TFDP2: variants seen among roughly 807,000 people sequenced by gnomAD.
TFDP2 encodes transcription factor Dp-2 (E2F dimerization partner 2).
A neutral mutation model predicts 59.3 loss-of-function variants in TFDP2; 17 were observed. That is an observed-to-expected ratio of 0.29 (90% confidence interval 0.20 to 0.43). The LOEUF (loss-of-function observed/expected upper bound fraction) is 0.43. Ranked by LOEUF, TFDP2 falls within the 20% of genes least tolerant of loss-of-function variation. The probability of loss-of-function intolerance (pLI) is 1.00; values close to 1 mark genes in which losing one functional copy is unlikely to be tolerated. For synonymous variants in TFDP2, 180 were observed against 194.7 expected (o/e 0.92, Z 0.63); for missense variants, 391 against 528.8 (o/e 0.74, Z 2.56).
At chr3:141,979,349 A>G (rs1941182526) in intron 6 of TFDP2, among the ~76,000 whole-genome samples, 2 of 152,350 alleles carry the variant, frequency 1.3e-5, no homozygotes, top group African/African-American at 4.8e-5. Flanking sequence ...TTCTGTATTT[A>G]CTAAACTATA....
chr3:142,000,210 C>T (rs1304292677), intron 4 of TFDP2: 2 of 697,096 alleles, frequency 2.9e-6, no homozygotes, highest in East Asian at 2.7e-5. Context: ...GCAAGGAGTA[C>T]AAAACTGGGT....
intron 3 of TFDP2, among the ~76,000 whole-genome samples, chr3:142,021,614 G>A (rs146131076): frequency 2.4e-4 from 36 of 152,240 alleles, no homozygotes; most frequent in African/African-American, 8.2e-4. Context: ...TTCTAAAAAC[G>A]ATTAGCTAGC....
intron 8 of TFDP2, among the ~76,000 whole-genome samples, chr3:141,973,825 G>A (rs1286525223): frequency 6.6e-6 from 1 of 151,308 alleles, no homozygotes; most frequent in African/African-American, 2.4e-5. Flanking sequence ...AAATCAAATT[G>A]TTATTCAACT....
chr3:142,144,072 T>TA (rs2063062496), intron 1 of TFDP2, among the ~76,000 whole-genome samples: 1 of 129,442 alleles, frequency 7.7e-6, no homozygotes, highest in Non-Finnish European at 1.9e-5. Context: ...TATTTGGCCA[T>TA]AAAAAAGAAT....
intron 8 of TFDP2, among the ~76,000 whole-genome samples, chr3:141,972,482 A>G (rs1423756648): frequency 2.0e-5 from 3 of 152,082 alleles, no homozygotes; most frequent in Non-Finnish European, 2.9e-5. Context: ...TAACACTTAG[A>G]TATCTATCCT....
At chr3:142,114,160 G>A (rs1359143993) in intron 1 of TFDP2, among the ~76,000 whole-genome samples, 2 of 148,702 alleles carry the variant, frequency 1.3e-5, no homozygotes, top group Non-Finnish European at 3.0e-5. Context: ...GCGAGAATCC[G>A]TCTCAAAAAA....
intron 1 of TFDP2, among the ~76,000 whole-genome samples, chr3:142,116,869 T>C (rs897369670): frequency 1.3e-5 from 2 of 152,212 alleles, no homozygotes; most frequent in Non-Finnish European, 2.9e-5. Context: ...AAAGTAATTT[T>C]ACTGTAAGTT....
chr3:142,032,912 T>A (rs1946504582), intron 3 of TFDP2, among the ~76,000 whole-genome samples: 2 of 152,128 alleles, frequency 1.3e-5, no homozygotes, highest in Non-Finnish European at 2.9e-5. Flanking sequence ...TTAAATAAAA[T>A]CAGCCAGGCG....
intron 3 of TFDP2, among the ~76,000 whole-genome samples, chr3:142,069,242 ATCAT>A (rs1465051684): frequency 6.6e-6 from 1 of 152,138 alleles, no homozygotes; most frequent in African/African-American, 2.4e-5. Context: ...TGTCTTCTAG[ATCAT>A]TCTATATTTG....
Position 142,120,306 on chromosome 3 carries a change from G to A in TFDP2, c.-92-18465C>T, listed in dbSNP as rs937509871. Among the ~76,000 whole-genome samples the A allele has an allele frequency of 6.6e-5, 10 of 152,112 alleles. No individual in the cohort carries two copies. In the East Asian group the frequency reaches 1.7e-3, roughly 26 times the overall value. ...GAACCCGAGAGGTGGAGCTTGCAGT[G>A]AGCCAAGATCGCGCCACTGCACTCC... On this transcript the variant is annotated intron_variant, in intron 1 of 12. Coordinates refer to ENST00000489671, the MANE Select transcript of TFDP2 (RefSeq NM_001178139.2).
At position 141,945,381 on chromosome 3, in the gene TFDP2, G is replaced by C. The variant is rs3762726; in HGVS notation, c.*7132C>G. On this transcript the variant is annotated 3_prime_UTR_variant, in exon 13 of 13. Coordinates refer to ENST00000489671, the MANE Select transcript of TFDP2 (RefSeq NM_001178139.2). ...CGACCTCAGGTGATCCGCCCGCCTC[G>C]GCCTCCCAAAGTGCTGGGATCACAG... 6.6e-6 allele frequency: 1 copy of C among 152,290 alleles called. No homozygotes were observed. Among genetic ancestry groups the C allele is most frequent in the Non-Finnish European group, 1.5e-5 (1 of 68,150 alleles). 9.4% of individuals were successfully genotyped at this position (152,290 alleles called of 1,614,324 possible). A position where few individuals can be genotyped will look rare whatever the true frequency, so the allele number is the denominator to read the frequency against.
chr3:141,970,390 A>G (rs180678066), intron 8 of TFDP2, among the ~76,000 whole-genome samples: 21 of 152,360 alleles, frequency 1.4e-4, no homozygotes, highest in Admixed American at 9.8e-4. Context: ...TGTTAGCAGT[A>G]CTTGTTGCAA....
rs754343809 is a variant in TFDP2 at position 141,959,791 on chromosome 3, T to C, written c.934A>G (p.Ile312Val). 3.7e-6 allele frequency: 6 copies of C among 1,614,180 alleles called. No homozygotes were observed. In the South Asian group the frequency reaches 4.4e-5, roughly 12 times the overall value. ...FDNTFEIHDD[I>V]EVLKRMGMSF... is the part of the protein sequence containing the mutation. Reference sequence around the variant, plus strand: ...ATTCCCATCCGCTTTAGTACTTCTATGTCATCATGGATCTCAAAGGTGTTG... The same window carrying C: ...ATTCCCATCCGCTTTAGTACTTCTACGTCATCATGGATCTCAAAGGTGTTG... Residue 312 changes from isoleucine (I) to valine (V), a missense_variant, in exon 11 of 13, where the codon ATA becomes GTA. Transcript: ENST00000489671.
intron 3 of TFDP2, among the ~76,000 whole-genome samples, chr3:142,086,820 G>A (rs939346502): frequency 2.0e-5 from 3 of 152,080 alleles, no homozygotes; most frequent in African/African-American, 4.8e-5. Context: ...GCTTACAATC[G>A]TGACTTTATC....
At position 142,086,148 on chromosome 3, in the gene TFDP2, T is replaced by C. The variant is rs146479127; in HGVS notation, c.82+6913A>G. ...TTTTGTCTACATTCTGCTTCTAGGG[T>C]TCTCTTTCTGATGGTATCACTTTAT... is the stretch of plus-strand genomic sequence containing the variant. On this transcript the variant is annotated intron_variant, in intron 3 of 12. Coordinates refer to ENST00000489671, the MANE Select transcript of TFDP2 (RefSeq NM_001178139.2). 5.9e-3 allele frequency among the ~76,000 whole-genome samples: 897 copies of C among 152,262 alleles called. 6 individuals carry two copies. The highest frequency in any genetic ancestry group is 0.02 in the African/African-American group (844 of 41,538).
intron 1 of TFDP2, among the ~76,000 whole-genome samples, chr3:142,120,520 C>T (rs1366964835): frequency 2.6e-5 from 4 of 152,106 alleles, no homozygotes; most frequent in Admixed American, 2.6e-4. Flanking sequence ...ATTAGATAAA[C>T]ATGCCATTTA....
At chr3:141,970,395 T>C (rs1031481787) in intron 8 of TFDP2, among the ~76,000 whole-genome samples, 1 of 152,216 alleles carries the variant, frequency 6.6e-6, no homozygotes, top group Non-Finnish European at 1.5e-5. Context: ...GCAGTACTTG[T>C]TGCAATTATT....
intron 3 of TFDP2, among the ~76,000 whole-genome samples, chr3:142,074,492 T>C (rs2060371118): frequency 6.6e-6 from 1 of 151,796 alleles, no homozygotes; most frequent in Non-Finnish European, 1.5e-5. Flanking sequence ...GCGGGAGAAT[T>C]GCTTGAGGCT....
chr3:141,968,414 C>T (rs890300823), intron 9 of TFDP2, among the ~76,000 whole-genome samples: 5 of 103,696 alleles, frequency 4.8e-5, no homozygotes, highest in Admixed American at 1.2e-4. Context: ...ATATATATAA[C>T]ATATATATCT....
Sources: allele counts gnomAD v4.1 joint callset (sites outside exome capture counted in the v4.1 genomes callset), GRCh38; gene constraint gnomAD v4.1.1; transcripts MANE v1.5; gene names NCBI Gene and HGNC (gene_info 2026-07-23, HGNC 2026-07-21).